Variants in JPH3 observed in about 807,000 individuals in gnomAD.
The protein encoded by JPH3 is junctophilin 3.
JPH3 carries 11 observed loss-of-function variants against 59.6 expected under a neutral mutation model. The observed-to-expected ratio is 0.18, with a 90% confidence interval of 0.12 to 0.31. The LOEUF (loss-of-function observed/expected upper bound fraction) is 0.31. Ranked by LOEUF, JPH3 falls within the 10% of genes least tolerant of loss-of-function variation. JPH3 has a pLI of 1.00. For synonymous variants in JPH3, 673 were observed against 483.6 expected, an observed-to-expected ratio of 1.39 and a Z score of -5.14; for missense variants, 1,202 against 1,105.7, an observed-to-expected ratio of 1.09 and a Z score of -1.24.
intron 2 of JPH3, 164 bp from the exon 3 acceptor site, chr16:87,683,978 T>C (rs1359902083): frequency 1.6e-6 from 1 of 611,678 alleles, no homozygotes; most frequent in African/African-American, 1.9e-5. Context: ...ATTGAATGAA[T>C]GAATGAATGA....
intron 1 of JPH3, 86 bp from the exon 2 acceptor site, chr16:87,644,172 C>T (rs1014495841): frequency 7.3e-7 from 1 of 1,361,326 alleles, no homozygotes; most frequent in Non-Finnish European, 1.0e-6. Context: ...TCAGACAGGA[C>T]TGTGGCTGCT....
At chr16:87,605,765 C>T (rs751196536) in intron 1 of JPH3, among the ~76,000 whole-genome samples, 1 of 152,176 alleles carries the variant, frequency 6.6e-6, no homozygotes, top group African/African-American at 2.4e-5. Context: ...CAGCCTTTGG[C>T]TGCAGGGATC....
intron 1 of JPH3, among the ~76,000 whole-genome samples, chr16:87,608,224 G>A (rs2150820866): frequency 6.6e-6 from 1 of 152,346 alleles, no homozygotes; most frequent in Non-Finnish European, 1.5e-5. Context: ...TGGAGTGTGG[G>A]GGTGGGGGCA....
At chr16:87,603,675 G>T in intron 1 of JPH3, 147 bp downstream of exon 1, 1 of 1,029,748 alleles carries the variant, frequency 9.7e-7, no homozygotes, top group Non-Finnish European at 1.4e-6. Flanking sequence ...TGGAAGCCAC[G>T]GCGGCTCCTG....
upstream of JPH3, among the ~76,000 whole-genome samples, chr16:87,602,341 G>A (rs2030233423): frequency 7.1e-6 from 1 of 140,324 alleles, no homozygotes; most frequent in Non-Finnish European, 1.6e-5. Context: ...GGAGGGCGGG[G>A]CGCCCGGGGT....
chr16:87,645,129 G>C, intron 2 of JPH3, 94 bp downstream of exon 2: 1 of 1,327,178 alleles, frequency 7.5e-7, no homozygotes, highest in Non-Finnish European at 1.0e-6. Context: ...AAGGCCTTGG[G>C]CTAGGCCCAG....
intron 2 of JPH3, among the ~76,000 whole-genome samples, chr16:87,664,198 G>C (rs2032790131): frequency 6.6e-6 from 1 of 152,282 alleles, no homozygotes; most frequent in South Asian, 2.1e-4. Context: ...GGGCGTGGTG[G>C]AAGGCGCCTG....
chr16:87,606,725 G>C (rs75636812), intron 1 of JPH3, among the ~76,000 whole-genome samples: 1 of 152,114 alleles, frequency 6.6e-6, no homozygotes, highest in African/African-American at 2.4e-5. Context: ...ATTATTTACC[G>C]TTAGTTTTTT....
At chr16:87,602,150 C>T (rs1045280604), upstream of JPH3, 1 of 151,688 alleles carries the variant, frequency 6.6e-6, no homozygotes, top group Non-Finnish European at 1.5e-5. Flanking sequence ...CAGGCCTCAC[C>T]GCCCAGCTCC....
intron 1 of JPH3, among the ~76,000 whole-genome samples, chr16:87,643,372 C>T (rs1360080151): frequency 6.8e-6 from 1 of 146,030 alleles, no homozygotes; most frequent in East Asian, 2.1e-4. Context: ...GCAGCTGCTG[C>T]AGTCCCCACC....
rs980482486 is a variant in JPH3 at position 87,674,771 on chromosome 16, T to C, written c.1161-9371T>C. 5.9e-5 allele frequency among the ~76,000 whole-genome samples: 9 copies of C among 152,210 alleles called. No individual in the cohort carries two copies. The South Asian group carries it at 8.3e-4, about 14-fold the overall frequency. On this transcript the variant is annotated intron_variant, in intron 2 of 4. Coordinates refer to ENST00000284262, the MANE Select transcript of JPH3 (RefSeq NM_020655.4). ...ACTTTTGTATATTTTTATTTATTTA[T>C]TTATTTTGAGATGGAGTCTTGCTCT... is the stretch of plus-strand genomic sequence containing the variant.
chr16:87,649,706 G>A (rs567784847), intron 2 of JPH3, among the ~76,000 whole-genome samples: 3 of 152,268 alleles, frequency 2.0e-5, no homozygotes, highest in South Asian at 2.1e-4. Flanking sequence ...GGGGCGATGG[G>A]GCAGATTGTA....
intron 1 of JPH3, among the ~76,000 whole-genome samples, chr16:87,621,171 A>T (rs1418352404): frequency 6.6e-6 from 1 of 152,048 alleles, no homozygotes; most frequent in East Asian, 1.9e-4. Context: ...AAGGAAAAAG[A>T]AAAAGAAACT....
At chr16:87,679,839 C>T (rs563884188) in intron 2 of JPH3, among the ~76,000 whole-genome samples, 11 of 152,382 alleles carry the variant, frequency 7.2e-5, no homozygotes, top group African/African-American at 2.6e-4. Context: ...TAGTTGGTCC[C>T]TCCCTGCCCA....
At position 87,698,093 on chromosome 16, in the gene JPH3, C is replaced by T. The variant is rs2033975855; in HGVS notation, c.*1433C>T. ...CTTTCGAGCAGACTTCTTTACTACA[C>T]TGCACTGGATTGCTATATTTTTAAC... On this transcript the variant is annotated 3_prime_UTR_variant, in exon 5 of 5. Coordinates refer to ENST00000284262, the MANE Select transcript of JPH3 (RefSeq NM_020655.4). 1 of 152,680 alleles carries T rather than the reference C, an allele frequency of 6.5e-6. No individual in the cohort carries two copies. Among genetic ancestry groups the T allele is most frequent in the Non-Finnish European group, 1.5e-5 (1 of 68,058 alleles). The allele number at this position is 152,680 out of a possible 1,614,324, so 9.5% of individuals were successfully genotyped here.
intron 2 of JPH3, among the ~76,000 whole-genome samples, chr16:87,659,748 GATTTTTAACC>G (rs548487041): frequency 2.6e-4 from 39 of 152,042 alleles, no homozygotes; most frequent in Non-Finnish European, 5.3e-4. Flanking sequence ...AAAAAAGGAT[GATTTTTAACC>G]ATTTTTAAGT....
chr16:87,671,342 C>G (rs963505530), intron 2 of JPH3, among the ~76,000 whole-genome samples: 1 of 152,188 alleles, frequency 6.6e-6, no homozygotes, highest in Non-Finnish European at 1.5e-5. Flanking sequence ...GCCCTCTGAC[C>G]CGTCAGGGGC....
At chr16:87,684,051 C>G in intron 2 of JPH3, 91 bp from the exon 3 acceptor site, 2 of 888,858 alleles carry the variant, frequency 2.3e-6, no homozygotes, top group Non-Finnish European at 3.6e-6. Context: ...TTAGCCCAGC[C>G]CGTTGTTGGG....
rs759842265 is a variant in JPH3 at position 87,690,458 on chromosome 16, C to T, written c.2098C>T (p.Pro700Ser). ...GCGTTGGGACTTGACCTTCTCCCCG[C>T]CCCAGAAATCCTTGCCTGTCGCTCT... is the stretch of plus-strand genomic sequence containing the variant. Reference protein sequence around the residue: ...LLRWDLTFSPPQKSLPVALES... With the variant: ...LLRWDLTFSPSQKSLPVALES... Residue 700 changes from proline (P) to serine (S), a missense_variant, in exon 4 of 5, where the codon CCC (proline) becomes TCC (serine). Pro to Ser is a moderately conservative substitution (Grantham distance 74, BLOSUM62 -1). Transcript: ENST00000284262. 1.0e-5 allele frequency: 15 copies of T among 1,485,756 alleles called. No individual in the cohort carries two copies. The South Asian group carries it at 2.0e-4, about 20-fold the overall frequency. 92.0% of individuals were successfully genotyped at this position (1,485,756 alleles called of 1,614,324 possible). A position where few individuals can be genotyped will look rare whatever the true frequency, so the allele number is the denominator to read the frequency against.
Sources: allele counts gnomAD v4.1 joint callset (sites outside exome capture counted in the v4.1 genomes callset), GRCh38; gene constraint gnomAD v4.1.1; transcripts MANE v1.5; gene names NCBI Gene and HGNC (gene_info 2026-07-23, HGNC 2026-07-21).